Variants in CNTN5 observed in about 807,000 individuals in gnomAD.
The protein encoded by CNTN5 is contactin 5, also known as contactin-5.
Under a neutral mutation model 129.1 loss-of-function variants are expected in CNTN5, and 77 were observed. That is an observed-to-expected ratio of 0.60 (90% CI 0.50 to 0.72). The LOEUF is 0.72. Ranked by LOEUF, CNTN5 falls within the 30% of genes least tolerant of loss-of-function variation. CNTN5 has a pLI of 0.00. For synonymous variants in CNTN5, 509 were observed against 465.6 expected (o/e 1.09, Z -1.20); for missense variants, 1,478 against 1,328.8 (o/e 1.11, Z -1.75).
intron 1 of CNTN5, among the ~76,000 whole-genome samples, chr11:99,231,107 T>C (rs1048214384): frequency 6.6e-6 from 1 of 152,214 alleles, no homozygotes; most frequent in African/African-American, 2.4e-5. Flanking sequence ...AGTACTGCAA[T>C]AAATATATGC....
rs372522332 is a variant in CNTN5, at chr11:99,750,202, T to G, written c.56-69342T>G. Among the ~76,000 whole-genome samples the G allele has an allele frequency of 1.1e-4, 16 of 152,336 alleles. No homozygotes were observed. The South Asian group carries it at 1.7e-3, about 16-fold the overall frequency. On this transcript the variant is annotated intron_variant, in intron 3 of 24. Transcript: ENST00000524871. ...TATTATGTGTAAATCTACATTAAAT[T>G]AATATACCTTGAGATGTTTTTCTCT...
At chr11:100,113,191 G>A (rs1945712010) in intron 13 of CNTN5, among the ~76,000 whole-genome samples, 1 of 151,664 alleles carries the variant, frequency 6.6e-6, no homozygotes, top group East Asian at 1.9e-4. Flanking sequence ...TGAACATTTG[G>A]TATGTAGCTA....
At chr11:99,511,138 G>T (rs950574042) in intron 2 of CNTN5, among the ~76,000 whole-genome samples, 50 of 152,106 alleles carry the variant, frequency 3.3e-4, no homozygotes, top group African/African-American at 1.1e-3. Flanking sequence ...TTTTTGTAGG[G>T]TGTCAATTTT....
chr11:99,817,780 C>T (rs1030132621), intron 3 of CNTN5, among the ~76,000 whole-genome samples: 1 of 151,888 alleles, frequency 6.6e-6, no homozygotes, highest in African/African-American at 2.4e-5. Flanking sequence ...CATTTAATTC[C>T]ATGTTTTAAA....
chr11:99,872,597 T>C (rs573668860), intron 6 of CNTN5, among the ~76,000 whole-genome samples: 1 of 152,184 alleles, frequency 6.6e-6, no homozygotes, highest in African/African-American at 2.4e-5. Context: ...AAAATCTGTA[T>C]CTGCTAGCAG....
At position 99,063,684 on chromosome 11, in the gene CNTN5, T is replaced by C. The variant is rs1282102911; in HGVS notation, c.-210+42414T>C. 2.6e-5 allele frequency among the ~76,000 whole-genome samples: 4 copies of C among 152,246 alleles called. No homozygotes were observed. The East Asian group carries it at 7.7e-4, about 29-fold the overall frequency. On this transcript the variant is annotated intron_variant, in intron 1 of 24. Transcript: ENST00000524871. The stretch of plus-strand genomic sequence containing the variant: ...CTCCTCCTCTTGACACTTTAGCCTC[T>C]TTGAGAAAATACTCTTTTAGACTAC...
intron 6 of CNTN5, among the ~76,000 whole-genome samples, chr11:99,857,022 CTAT>C (rs1948058678): frequency 2.0e-5 from 3 of 147,288 alleles, no homozygotes; most frequent in African/African-American, 7.6e-5. Context: ...CTCTCTCTAT[CTAT>C]CTCTATCTCC....
At chr11:99,619,840 C>A (rs1950876083) in intron 3 of CNTN5, among the ~76,000 whole-genome samples, 1 of 151,862 alleles carries the variant, frequency 6.6e-6, no homozygotes, top group Non-Finnish European at 1.5e-5. Context: ...TCCTGGCTAA[C>A]ACGCTGAAAC....
intron 3 of CNTN5, among the ~76,000 whole-genome samples, chr11:99,567,105 TC>T (rs1949030153): frequency 6.6e-6 from 1 of 152,186 alleles, no homozygotes; most frequent in African/African-American, 2.4e-5. Flanking sequence ...TTTTTTCTTC[TC>T]AATAGGGATG....
At chr11:99,337,713 G>A (rs1276378274) in intron 2 of CNTN5, among the ~76,000 whole-genome samples, 1 of 152,090 alleles carries the variant, frequency 6.6e-6, no homozygotes, top group Admixed American at 6.6e-5. Context: ...GGATTTTGGG[G>A]GGCTTGCTCC....
intron 13 of CNTN5, among the ~76,000 whole-genome samples, chr11:100,176,890 T>C (rs112130502): frequency 0.031 from 4,701 of 151,832 alleles, 240 homozygotes; most frequent in African/African-American, 0.11. Context: ...AAAATGCATA[T>C]GTAACCTCTC....
intron 1 of CNTN5, among the ~76,000 whole-genome samples, chr11:99,286,621 C>A (rs1863950828): frequency 6.6e-6 from 1 of 152,020 alleles, no homozygotes; most frequent in South Asian, 2.1e-4. Flanking sequence ...CAGTAGATAT[C>A]AAATATAATA....
chr11:99,872,698 T>A (rs1196557967), intron 6 of CNTN5, among the ~76,000 whole-genome samples: 4 of 152,076 alleles, frequency 2.6e-5, no homozygotes, highest in Non-Finnish European at 4.4e-5. Context: ...AGTCTTCCAA[T>A]AACAAGCAGG....
At chr11:99,673,527 G>T (rs891031364) in intron 3 of CNTN5, among the ~76,000 whole-genome samples, 2 of 152,108 alleles carry the variant, frequency 1.3e-5, no homozygotes, top group African/African-American at 2.4e-5. Context: ...TTGTTGCACA[G>T]ATTCTTTCAT....
At chr11:100,220,617 G>C (rs1000624214) in intron 15 of CNTN5, among the ~76,000 whole-genome samples, 3 of 152,106 alleles carry the variant, frequency 2.0e-5, no homozygotes, top group African/African-American at 4.8e-5. Flanking sequence ...TCTTGGCTAA[G>C]AGTGCAATTA....
At chr11:100,325,180 G>A (rs1244336159) in intron 21 of CNTN5, among the ~76,000 whole-genome samples, 1 of 152,134 alleles carries the variant, frequency 6.6e-6, no homozygotes, top group Non-Finnish European at 1.5e-5. Flanking sequence ...GATCTTAGAT[G>A]CTGTATAAGA....
chr11:99,557,778 C>A (rs1416290673), intron 3 of CNTN5, among the ~76,000 whole-genome samples: 1 of 151,494 alleles, frequency 6.6e-6, no homozygotes, highest in African/African-American at 2.4e-5. Context: ...TATTTGAAAT[C>A]TAAAAGAATT....
intron 8 of CNTN5, among the ~76,000 whole-genome samples, chr11:99,963,104 AGGTT>A (rs1565727915): frequency 6.6e-6 from 1 of 152,152 alleles, no homozygotes; most frequent in Non-Finnish European, 1.5e-5. Context: ...CCCATTCTGT[AGGTT>A]GCCTGTTCAA....
chr11:99,856,942 G>C (rs189638880), intron 6 of CNTN5, among the ~76,000 whole-genome samples: 261 of 152,018 alleles, frequency 1.7e-3, no homozygotes, highest in African/African-American at 5.4e-3. Context: ...CTGGGCAACT[G>C]TTCAATAACC....
Sources: allele counts gnomAD v4.1 joint callset (sites outside exome capture counted in the v4.1 genomes callset), GRCh38; gene constraint gnomAD v4.1.1; transcripts MANE v1.5; gene names NCBI Gene and HGNC (gene_info 2026-07-23, HGNC 2026-07-21).